POU6F2: variants seen among roughly 807,000 people sequenced by gnomAD.
POU6F2 encodes the protein POU class 6 homeobox 2, also known as POU domain, class 6, transcription factor 2.
POU6F2 carries 31 observed loss-of-function variants against 71.3 expected under a neutral mutation model. The observed-to-expected ratio is 0.43, with a 90% CI of 0.33 to 0.59. POU6F2 has a LOEUF of 0.59. POU6F2 is among the 20% of genes least tolerant of loss of function. The pLI is 0.04. For synonymous variants in POU6F2, 347 were observed against 355.7 expected, an observed-to-expected ratio of 0.98 and a Z score of 0.27; for missense variants, 783 against 856.8, an observed-to-expected ratio of 0.91 and a Z score of 1.07.
chr7:39,362,469 TG>T (rs1045967444), intron 5 of POU6F2, among the ~76,000 whole-genome samples: 6 of 152,162 alleles, frequency 3.9e-5, no homozygotes, highest in African/African-American at 1.4e-4. Flanking sequence ...GAGGATTCTA[TG>T]GCAAAATGAC....
chr7:39,219,297 A>G (rs1035556848), intron 4 of POU6F2, among the ~76,000 whole-genome samples: 5 of 152,220 alleles, frequency 3.3e-5, no homozygotes, highest in African/African-American at 1.2e-4. Flanking sequence ...GAGCGTCTAC[A>G]TAAAAGTTTC....
intron 2 of POU6F2, among the ~76,000 whole-genome samples, chr7:39,158,560 G>A (rs1040149933): frequency 1.3e-5 from 2 of 152,246 alleles, no homozygotes; most frequent in Non-Finnish European, 2.9e-5. Context: ...TGAGGCTGAA[G>A]GCCTGAGAAC....
At chr7:39,024,889 C>T (rs991063632) in intron 1 of POU6F2, among the ~76,000 whole-genome samples, 2 of 152,130 alleles carry the variant, frequency 1.3e-5, no homozygotes, top group Non-Finnish European at 2.9e-5. Context: ...TTTTGATGTG[C>T]TGCTGGATTC....
intron 5 of POU6F2, among the ~76,000 whole-genome samples, chr7:39,377,231 A>G (rs975210711): frequency 4.0e-5 from 6 of 151,672 alleles, no homozygotes; most frequent in Non-Finnish European, 5.9e-5. Context: ...CCCGGGTTCA[A>G]GCGATTCTCC....
Position 39,207,512 on chromosome 7 carries a change from C to T in POU6F2, c.490C>T (p.Gln164Ter). Residue 164 changes from glutamine to a stop codon, truncating the protein, a stop_gained, in exon 4 of 10, where the codon CAA becomes TAA. Transcript: ENST00000518318. LOFTEE classifies it high-confidence loss of function. ...CATGGCGGGACAGCTAGGAGGCCAG[C>T]AAGGACTGGTTCTCACACTGCCAAC... The part of the protein sequence containing the change: ...FNMAGQLGGQ[Q>*]GLVLTLPTAN... 1 of 1,614,036 alleles carries T rather than the reference C, an allele frequency of 6.2e-7. No homozygotes were observed. Among genetic ancestry groups the T allele is most frequent in the Non-Finnish European group, 8.5e-7 (1 of 1,179,892 alleles).
Position 39,062,802 on chromosome 7 carries a change from A to G in POU6F2, c.106-23058A>G, listed in dbSNP as rs201578618. Among the ~76,000 whole-genome samples, 226 of 151,790 alleles carry G rather than the reference A, an allele frequency of 1.5e-3. 6 individuals are homozygous for G. In the South Asian group the frequency reaches 0.025, roughly 17 times the overall value. ...TTCATTGACTCATGCCTGTAATCCC[A>G]GCACTTTGGGAGGCCGAGGAAGGAG... On this transcript the variant is annotated intron_variant, in intron 1 of 9. Transcript: ENST00000518318.
chr7:39,095,910 A>G (rs772177161), intron 2 of POU6F2, among the ~76,000 whole-genome samples: 18 of 152,188 alleles, frequency 1.2e-4, no homozygotes, highest in Admixed American at 5.9e-4. Context: ...TTTTTAATAT[A>G]CCATTCTGAA....
intron 1 of POU6F2, among the ~76,000 whole-genome samples, chr7:38,980,204 G>GA (rs1220183728): frequency 6.6e-6 from 1 of 152,086 alleles, no homozygotes; most frequent in Non-Finnish European, 1.5e-5. Flanking sequence ...CTCATAATTT[G>GA]TTAAAAACGC....
At chr7:39,374,171 C>G (rs373566799) in intron 5 of POU6F2, among the ~76,000 whole-genome samples, 1 of 152,146 alleles carries the variant, frequency 6.6e-6, no homozygotes, top group Admixed American at 6.5e-5. Flanking sequence ...CAGCTGTCAT[C>G]AAGAATTTCA....
chr7:39,464,623 G>A lies in POU6F2; in HGVS notation c.2100G>A (p.Gln700=). 4.4e-6 allele frequency: 7 copies of A among 1,608,570 alleles called. No individual in the cohort carries two copies. The highest frequency in any genetic ancestry group is 5.1e-6 in the Non-Finnish European group (6 of 1,177,656). ...ALKNTIKRLK[Q]HEPATAVPLE... The stretch of plus-strand genomic sequence containing the variant: ...AGAACACAATTAAACGCTTAAAACA[G>A]CACGAGCCGGCCACGGCAGTCCCTT... The change falls in exon 10 of 10, where the codon CAG becomes CAA. Residue 700 remains glutamine (Q), a synonymous_variant. Coordinates refer to ENST00000518318, the MANE Select transcript of POU6F2 (RefSeq NM_001370959.1). The surrounding 1 kb of genome is among the most constrained non-coding windows in gnomAD (Gnocchi z 4.1).
At chr7:39,138,577 T>TGATG (rs1482112671) in intron 2 of POU6F2, among the ~76,000 whole-genome samples, 2 of 152,210 alleles carry the variant, frequency 1.3e-5, no homozygotes, top group Non-Finnish European at 2.9e-5. Flanking sequence ...ATCTAATGCC[T>TGATG]GATGATCTGT....
chr7:39,400,833 T>C (rs1252976326), intron 5 of POU6F2, among the ~76,000 whole-genome samples: 3 of 152,220 alleles, frequency 2.0e-5, no homozygotes, highest in Admixed American at 1.3e-4. Flanking sequence ...GGATTTTACA[T>C]TGGTGAGTCA....
chr7:39,285,834 C>T (rs1484189870), intron 4 of POU6F2, among the ~76,000 whole-genome samples: 2 of 152,202 alleles, frequency 1.3e-5, no homozygotes, highest in African/African-American at 4.8e-5. Flanking sequence ...GCTTTCTTCC[C>T]ACTCCTGGTG....
intron 1 of POU6F2, among the ~76,000 whole-genome samples, chr7:39,021,757 TA>T (rs1333455271): frequency 1.3e-5 from 2 of 152,110 alleles, no homozygotes; most frequent in Admixed American, 6.6e-5. Context: ...TTAAAATGTA[TA>T]AAAAAATGAT....
At chr7:39,258,150 G>T (rs908162362) in intron 4 of POU6F2, among the ~76,000 whole-genome samples, 3 of 152,112 alleles carry the variant, frequency 2.0e-5, no homozygotes, top group Non-Finnish European at 4.4e-5. Context: ...TTAACTTTCA[G>T]ATAATACCAC....
At chr7:39,070,765 C>T (rs957752184) in intron 1 of POU6F2, among the ~76,000 whole-genome samples, 1 of 152,164 alleles carries the variant, frequency 6.6e-6, no homozygotes, top group African/African-American at 2.4e-5. Flanking sequence ...AGTTACATAC[C>T]CACACCCCTC....
intron 1 of POU6F2, among the ~76,000 whole-genome samples, chr7:39,071,045 A>G (rs1790868619): frequency 6.6e-6 from 1 of 152,200 alleles, no homozygotes; most frequent in African/African-American, 2.4e-5. Flanking sequence ...TGATTCAAGC[A>G]CATTACATAT....
chr7:39,376,813 T>C (rs1562807688), intron 5 of POU6F2, among the ~76,000 whole-genome samples: 2 of 151,936 alleles, frequency 1.3e-5, no homozygotes, highest in East Asian at 3.9e-4. Context: ...GACATAGCTT[T>C]GTTGTTTATT....
intron 2 of POU6F2, among the ~76,000 whole-genome samples, chr7:39,189,888 A>C (rs1793624826): frequency 6.6e-6 from 1 of 151,606 alleles, no homozygotes; most frequent in Non-Finnish European, 1.5e-5. Context: ...CTTCCTACTG[A>C]GATGCCCCCA....
Sources: gnomAD v4.1 joint callset for allele counts (sites outside exome capture counted in the v4.1 genomes callset) on GRCh38, gnomAD v4.1.1 for gene constraint, Gnocchi (gnomAD v3.1) non-coding constraint, MANE v1.5 for transcripts, NCBI Gene and HGNC (gene_info 2026-07-23, HGNC 2026-07-21) for gene names.